HIVEP3: variants seen among roughly 807,000 people sequenced by gnomAD.
HIVEP3 encodes HIVEP zinc finger 3.
A neutral mutation model predicts 152.8 loss-of-function variants in HIVEP3; 49 were observed. The observed-to-expected ratio is 0.32, with a 90% CI of 0.26 to 0.41. HIVEP3 has a LOEUF of 0.41. Among genes scored for constraint, HIVEP3 ranks in the 10% least tolerant of loss-of-function variants. The pLI is 1.00. For missense variants in HIVEP3, 2,790 were observed against 3,103.3 expected (o/e 0.90, Z 2.40); for synonymous variants, 1,269 against 1,289.0 (o/e 0.98, Z 0.33).
chr1:41,890,312 AG>A lies in HIVEP3; in HGVS notation c.-801+28100del, dbSNP rs1242470764. Among the ~76,000 whole-genome samples the A allele has an allele frequency of 2.0e-5, 3 of 152,192 alleles. No individual in the cohort carries two copies. The East Asian group carries it at 5.8e-4, about 29-fold the overall frequency. ...TGCCTCCAAGGTACTTACAGCCTAA[AG>A]GGAGAAACAGAAAAGTGAACAAGAG... On this transcript the variant is annotated intron_variant, in intron 1 of 8. Transcript: ENST00000372583.
Position 41,796,451 on chromosome 1 carries a change from TA to T in HIVEP3, c.-800-95457del, listed in dbSNP as rs1244844511. Among the ~76,000 whole-genome samples, 3 of 152,234 alleles carry T rather than the reference TA, an allele frequency of 2.0e-5. No individual in the cohort carries two copies. In the East Asian group the frequency reaches 5.8e-4, roughly 29 times the overall value. On this transcript the variant is annotated intron_variant, in intron 1 of 8. Coordinates refer to ENST00000372583, the MANE Select transcript of HIVEP3 (RefSeq NM_024503.5). ...TTCAAATCCCAGCCCTGCCACTAACTACCTCCTGGTCGATTCTTTTTCCGTA... is the reference window on the plus strand; with the variant it reads ...TTCAAATCCCAGCCCTGCCACTAACTCCTCCTGGTCGATTCTTTTTCCGTA...
intron 3 of HIVEP3, among the ~76,000 whole-genome samples, chr1:41,593,094 A>G (rs753721645): frequency 2.0e-5 from 3 of 152,212 alleles, no homozygotes; most frequent in Non-Finnish European, 4.4e-5. Flanking sequence ...CCAAAGACCA[A>G]CGACAGAACA....
At chr1:41,915,406 T>C (rs1364956159) in intron 1 of HIVEP3, among the ~76,000 whole-genome samples, 4 of 152,224 alleles carry the variant, frequency 2.6e-5, no homozygotes, top group African/African-American at 9.6e-5. Flanking sequence ...CTCTTACTTC[T>C]TACTGATACT....
rs574621816 is a variant in HIVEP3 at position 41,521,727 on chromosome 1, C to T, written c.5383+3008G>A. ...TAAAGTGATGGGTGTCGGGAAGAGG[C>T]GGAACCTCCGATAAAAGGGCATCCA... On this transcript the variant is annotated intron_variant, in intron 6 of 8. Coordinates refer to ENST00000372583, the MANE Select transcript of HIVEP3 (RefSeq NM_024503.5). Among the ~76,000 whole-genome samples, 112 of 152,318 alleles carry T rather than the reference C, an allele frequency of 7.4e-4. 2 individuals are homozygous for T. The highest frequency in any genetic ancestry group is 8.8e-5 in the Non-Finnish European group (6 of 68,018).
intron 1 of HIVEP3, among the ~76,000 whole-genome samples, chr1:41,966,045 A>G (rs1645195919): frequency 6.6e-6 from 1 of 152,232 alleles, no homozygotes; most frequent in Admixed American, 6.5e-5. Flanking sequence ...CAGAAACCCT[A>G]CATGCCAGAA....
In HIVEP3 at chr1:41,531,980, C is replaced by T. The variant is rs143039969; in HGVS notation, c.5208-7070G>A. Among the ~76,000 whole-genome samples the T allele has an allele frequency of 7.7e-3, 820 of 106,406 alleles. 13 individuals carry two copies. The highest frequency in any genetic ancestry group is 0.029 in the African/African-American group (725 of 25,116). 69.8% of individuals were successfully genotyped at this position (106,406 alleles called of 152,430 possible). On this transcript the variant is annotated intron_variant, in intron 5 of 8. Transcript: ENST00000372583. ...AATGGAAGACAGGGGCGATAGAGGA[C>T]AGGAGAGATGGAGGACAGGGGAGAT...
At chr1:41,963,043 G>A (rs1019766986) in intron 1 of HIVEP3, among the ~76,000 whole-genome samples, 1 of 152,102 alleles carries the variant, frequency 6.6e-6, no homozygotes, top group African/African-American at 2.4e-5. Flanking sequence ...ACGGAGTCTC[G>A]CTCTGTCACC....
At chr1:41,692,347 G>A (rs1646210811) in intron 2 of HIVEP3, among the ~76,000 whole-genome samples, 1 of 152,160 alleles carries the variant, frequency 6.6e-6, no homozygotes, top group Non-Finnish European at 1.5e-5. Flanking sequence ...AGTGCTTTCT[G>A]GTGTTCCCAA....
In HIVEP3 at chr1:41,692,526, T is replaced by C. The variant is rs529068393; in HGVS notation, c.-721+8390A>G. ...ATACACATAACACAAGGTTATACAC[T>C]GATCAGCTGAGAAAAACATTGTAAC... On this transcript the variant is annotated intron_variant, in intron 2 of 8. Coordinates refer to ENST00000372583, the MANE Select transcript of HIVEP3 (RefSeq NM_024503.5). 3.9e-5 allele frequency among the ~76,000 whole-genome samples: 6 copies of C among 152,356 alleles called. No homozygotes were observed. The East Asian group carries it at 1.2e-3, about 29-fold the overall frequency.
chr1:41,988,386 G>C (rs757555246), intron 1 of HIVEP3, among the ~76,000 whole-genome samples: 5 of 151,872 alleles, frequency 3.3e-5, no homozygotes, highest in Non-Finnish European at 7.4e-5. Context: ...TCAATATTAA[G>C]AAAATAAATA....
At chr1:41,864,408 G>A (rs188866573) in intron 1 of HIVEP3, among the ~76,000 whole-genome samples, 5 of 152,248 alleles carry the variant, frequency 3.3e-5, no homozygotes, top group East Asian at 3.9e-4. Flanking sequence ...CTAAAGCCCC[G>A]GAAAGAACAG....
chr1:42,023,988 T>C (rs914488324), intron 1 of HIVEP3, among the ~76,000 whole-genome samples: 55 of 152,224 alleles, frequency 3.6e-4, no homozygotes, highest in African/African-American at 1.3e-3. Flanking sequence ...TGTAAAGTAG[T>C]GTTTTTGGGC....
chr1:41,864,944 C>T (rs1643942063), intron 1 of HIVEP3, among the ~76,000 whole-genome samples: 1 of 152,170 alleles, frequency 6.6e-6, no homozygotes, highest in Non-Finnish European at 1.5e-5. Context: ...TCTGGTTTCC[C>T]AGGGAGGTCT....
intron 2 of HIVEP3, among the ~76,000 whole-genome samples, chr1:41,653,276 T>C (rs1487762301): frequency 4.6e-5 from 7 of 151,996 alleles, no homozygotes; most frequent in African/African-American, 1.7e-4. Context: ...ATTTGTTCTC[T>C]GATCAATTAA....
intron 1 of HIVEP3, among the ~76,000 whole-genome samples, chr1:41,814,757 G>A (rs746940017): frequency 1.3e-5 from 2 of 152,156 alleles, no homozygotes; most frequent in South Asian, 2.1e-4. Flanking sequence ...CCATTCCACA[G>A]GTAAGAATAG....
intron 1 of HIVEP3, among the ~76,000 whole-genome samples, chr1:41,903,068 G>A (rs1281629348): frequency 6.6e-6 from 1 of 152,208 alleles, no homozygotes; most frequent in African/African-American, 2.4e-5. Flanking sequence ...CTGTGATATT[G>A]TAGAATCTGG....
chr1:41,530,788 C>T (rs1308049878), intron 5 of HIVEP3, among the ~76,000 whole-genome samples: 1 of 152,200 alleles, frequency 6.6e-6, no homozygotes, highest in Non-Finnish European at 1.5e-5. Flanking sequence ...GCTCTCCGAC[C>T]CCTTCATTTC....
intron 2 of HIVEP3, among the ~76,000 whole-genome samples, chr1:41,682,370 C>T (rs1472423483): frequency 6.6e-6 from 1 of 152,098 alleles, no homozygotes; most frequent in Non-Finnish European, 1.5e-5. Context: ...AGGTCGTGAG[C>T]TCTCAAGGGT....
chr1:41,854,011 G>A (rs769112323), intron 1 of HIVEP3, among the ~76,000 whole-genome samples: 9 of 152,150 alleles, frequency 5.9e-5, no homozygotes, highest in Non-Finnish European at 8.8e-5. Flanking sequence ...GAAGCAGAGC[G>A]AAGACGTGGA....
Sources: gnomAD v4.1 joint callset for allele counts (sites outside exome capture counted in the v4.1 genomes callset) on GRCh38, gnomAD v4.1.1 for gene constraint, MANE v1.5 for transcripts, NCBI Gene and HGNC (gene_info 2026-07-23, HGNC 2026-07-21) for gene names.